The following FAM184B variants were observed in gnomAD, a reference collection of about 807,000 sequenced individuals.
FAM184B encodes protein FAM184B.
Under a neutral mutation model 135.9 loss-of-function variants are expected in FAM184B, and 111 were observed. The observed-to-expected ratio is 0.82, with a 90% CI of 0.70 to 0.96. FAM184B has a LOEUF of 0.96. Among genes scored for constraint, FAM184B ranks in the 40% least tolerant of loss-of-function variants. The probability of loss-of-function intolerance (pLI) is 0.00; values close to 1 mark genes in which losing one functional copy is unlikely to be tolerated. For synonymous variants in FAM184B, 552 were observed against 524.8 expected, an observed-to-expected ratio of 1.05 and a Z score of -0.71; for missense variants, 1,375 against 1,323.9, an observed-to-expected ratio of 1.04 and a Z score of -0.60.
In FAM184B at chr4:17,632,485, A is replaced by C; in HGVS notation, c.*47T>G. 1.4e-6 allele frequency: 2 copies of C among 1,408,770 alleles called. No homozygotes were observed. The highest frequency in any genetic ancestry group is 1.9e-6 in the Non-Finnish European group (2 of 1,026,402). 87.3% of individuals were successfully genotyped at this position (1,408,770 alleles called of 1,614,324 possible). ...TCATTCCTTCAATCGGATGATTTAA[A>C]ATAAATGTTTTTCAAGTATCCTCTG... On this transcript the variant is annotated 3_prime_UTR_variant, in exon 18 of 18. Coordinates refer to ENST00000265018, the MANE Select transcript of FAM184B (RefSeq NM_015688.2).
chr4:17,758,440 C>T (rs1352732378), intron 1 of FAM184B, among the ~76,000 whole-genome samples: 2 of 152,218 alleles, frequency 1.3e-5, no homozygotes, highest in Admixed American at 6.5e-5. Context: ...AACTAACTGA[C>T]TGCCTACCTG....
intron 1 of FAM184B, among the ~76,000 whole-genome samples, chr4:17,744,751 C>T (rs939377866): frequency 1.3e-5 from 2 of 151,930 alleles, no homozygotes; most frequent in African/African-American, 4.8e-5. Context: ...AAAAAAGCCA[C>T]CAACTGCCCT....
intron 5 of FAM184B, among the ~76,000 whole-genome samples, chr4:17,695,701 C>T (rs1263558659): frequency 2.0e-5 from 3 of 152,018 alleles, no homozygotes; most frequent in Non-Finnish European, 4.4e-5. Context: ...AGAATGGTGC[C>T]GCCATGAACT....
chr4:17,750,502 C>T (rs1011996884), intron 1 of FAM184B, among the ~76,000 whole-genome samples: 8 of 152,156 alleles, frequency 5.3e-5, no homozygotes, highest in Non-Finnish European at 8.8e-5. Flanking sequence ...GTGACGCTGG[C>T]ATTTTGGGCT....
chr4:17,730,680 C>T (rs1327872463), intron 1 of FAM184B, among the ~76,000 whole-genome samples: 1 of 152,134 alleles, frequency 6.6e-6, no homozygotes, highest in Non-Finnish European at 1.5e-5. Flanking sequence ...AGCAGAGCGC[C>T]TCTCCTCCTC....
intron 14 of FAM184B, among the ~76,000 whole-genome samples, chr4:17,637,054 T>C (rs953373750): frequency 6.6e-6 from 1 of 150,910 alleles, no homozygotes; most frequent in East Asian, 2.0e-4. Flanking sequence ...GGAGACGGAG[T>C]CTCCCTCTGT....
intron 7 of FAM184B, among the ~76,000 whole-genome samples, chr4:17,682,385 C>T (rs192998383): frequency 1.3e-5 from 2 of 152,320 alleles, no homozygotes; most frequent in East Asian, 1.9e-4. Flanking sequence ...GTCACACCCA[C>T]GTTTGGCAGC....
chr4:17,735,893 T>G (rs1717897134), intron 1 of FAM184B, among the ~76,000 whole-genome samples: 1 of 151,982 alleles, frequency 6.6e-6, no homozygotes, highest in South Asian at 2.1e-4. Context: ...AATCCCAGAG[T>G]GCTTTATTAA....
chr4:17,646,400 T>C (rs936133867), intron 12 of FAM184B, among the ~76,000 whole-genome samples: 1 of 152,010 alleles, frequency 6.6e-6, no homozygotes, highest in Non-Finnish European at 1.5e-5. Flanking sequence ...TATGCAGCCA[T>C]AAAAAAGGAA....
chr4:17,746,888 A>G (rs1481425147), intron 1 of FAM184B, among the ~76,000 whole-genome samples: 3 of 151,544 alleles, frequency 2.0e-5, no homozygotes, highest in East Asian at 3.9e-4. Context: ...AAATACAAAA[A>G]TTAGCTGGTT....
chr4:17,633,988 G>C (rs374123291), intron 16 of FAM184B, 100 bp from the exon 17 acceptor site: 1 of 940,210 alleles, frequency 1.1e-6, no homozygotes, highest in South Asian at 2.9e-5. Flanking sequence ...AAATTGTATC[G>C]GAGAAGAAGC....
intron 1 of FAM184B, among the ~76,000 whole-genome samples, chr4:17,779,950 A>T (rs1006405687): frequency 1.3e-5 from 2 of 152,218 alleles, no homozygotes; most frequent in African/African-American, 4.8e-5. Context: ...CACTATTTAC[A>T]TGAATGTAGG....
chr4:17,643,324 C>G (rs571209998), intron 12 of FAM184B, among the ~76,000 whole-genome samples: 5 of 152,190 alleles, frequency 3.3e-5, no homozygotes, highest in Admixed American at 3.3e-4. Context: ...CTGGGCTGTT[C>G]CTCTTTGCCG....
intron 7 of FAM184B, among the ~76,000 whole-genome samples, chr4:17,684,747 G>A (rs114709418): frequency 0.016 from 2,462 of 152,164 alleles, 81 homozygotes; most frequent in African/African-American, 0.056. Context: ...TCTAGAAACC[G>A]AACTCATTCA....
chr4:17,725,940 T>G (rs939250339), intron 1 of FAM184B, among the ~76,000 whole-genome samples: 2 of 152,104 alleles, frequency 1.3e-5, no homozygotes, highest in South Asian at 2.1e-4. Context: ...TTTTTTTTTT[T>G]TGTGACAGAG....
In FAM184B at chr4:17,647,775, C is replaced by G; in HGVS notation, c.2208G>C (p.Glu736Asp). 6.4e-7 allele frequency: 1 copy of G among 1,550,476 alleles called. No homozygotes were observed. The highest frequency in any genetic ancestry group is 8.7e-7 in the Non-Finnish European group (1 of 1,146,884). ...QALLLESLRQELSEQQAACSG... is the reference protein window; with the variant it reads ...QALLLESLRQDLSEQQAACSG... ...AACAGGCAGCTTGCTGCTCCGACAG[C>G]TCCTGTCTGAGCGACTCTGGAAAAG... The change falls in exon 12 of 18, where the codon GAG becomes GAC. Residue 736 changes from glutamate to aspartate, a missense_variant. Transcript: ENST00000265018.
intron 5 of FAM184B, among the ~76,000 whole-genome samples, chr4:17,694,145 C>T (rs558851264): frequency 6.6e-6 from 1 of 152,238 alleles, no homozygotes; most frequent in African/African-American, 2.4e-5. Context: ...TTCCTAACCT[C>T]TCAGTGACTC....
intron 1 of FAM184B, among the ~76,000 whole-genome samples, chr4:17,716,408 T>C (rs1008429018): frequency 2.6e-5 from 4 of 152,162 alleles, no homozygotes; most frequent in Non-Finnish European, 4.4e-5. Context: ...AGTGGTGTTA[T>C]TATGGCTCAC....
In FAM184B at chr4:17,770,795, G is replaced by C. The variant is rs548503153; in HGVS notation, c.141+10364C>G. ...CTAGATTTTAACAGGAGACAGATCTGATTCAAGTTTTGTTTGTTTTCATTT... is the reference window on the plus strand; with the variant it reads ...CTAGATTTTAACAGGAGACAGATCTCATTCAAGTTTTGTTTGTTTTCATTT... On this transcript the variant is annotated intron_variant, in intron 1 of 17. Transcript: ENST00000265018. Among the ~76,000 whole-genome samples, 10 of 152,294 alleles carry C rather than the reference G, an allele frequency of 6.6e-5. No individual in the cohort carries two copies. The East Asian group carries it at 1.9e-3, about 29-fold the overall frequency.
Sources: allele counts gnomAD v4.1 joint callset (sites outside exome capture counted in the v4.1 genomes callset), GRCh38; gene constraint gnomAD v4.1.1; transcripts MANE v1.5; gene names NCBI Gene and HGNC (gene_info 2026-07-23, HGNC 2026-07-21).